DOP1A: variants seen among roughly 807,000 people sequenced by gnomAD.
The protein encoded by DOP1A is DOP1 leucine zipper like protein A.
DOP1A carries 90 observed loss-of-function variants against 267.6 expected under a neutral mutation model. The ratio of observed to expected loss-of-function variants is 0.34; its 90% confidence interval spans 0.28 to 0.40. The LOEUF (loss-of-function observed/expected upper bound fraction) is 0.40. DOP1A is among the 10% of genes least tolerant of loss of function. DOP1A has a pLI of 1.00. For synonymous variants in DOP1A, 932 were observed against 999.1 expected (o/e 0.93, Z 1.27); for missense variants, 2,437 against 2,900.4 (o/e 0.84, Z 3.67).
chr6:83,151,386 C>A (rs1401904632), intron 27 of DOP1A, among the ~76,000 whole-genome samples: 1 of 152,080 alleles, frequency 6.6e-6, no homozygotes, highest in Non-Finnish European at 1.5e-5. Context: ...GGGGCTCTTA[C>A]AAAAGATGCT....
Position 83,162,868 on chromosome 6 carries a change from A to G in DOP1A, c.7041A>G (p.Glu2347=), listed in dbSNP as rs760637737. Residue 2347 remains glutamate, a synonymous_variant, in exon 38 of 39, where the codon GAA becomes GAG. Transcript: ENST00000349129. ...EVRRQGIHQR[E]FKPYVVRLAK... is the part of the protein sequence containing the mutation. ...GAAGGCAGGGTATACATCAACGAGA[A>G]TTTAAACCTTACGTGGTACGACTAG... 1 of 1,613,506 alleles carries G rather than the reference A, an allele frequency of 6.2e-7. No individual in the cohort carries two copies. Among genetic ancestry groups the G allele is most frequent in the Non-Finnish European group, 8.5e-7 (1 of 1,179,638 alleles).
At chr6:83,168,734 T>C, downstream of DOP1A, 1 of 997,888 alleles carries the variant, frequency 1.0e-6, no homozygotes, top group South Asian at 4.4e-5. Flanking sequence ...ACCTCTGAGT[T>C]CCTGATGGCA....
chr6:83,137,348 G>A lies in DOP1A; in HGVS notation c.3306G>A (p.Gln1102=). 3 of 1,613,832 alleles carry A rather than the reference G, an allele frequency of 1.9e-6. No homozygotes were observed. The highest frequency in any genetic ancestry group is 1.1e-5 in the South Asian group (1 of 91,062). ...VVSDFDLPDQ[Q]IEILQSSDSG... is the part of the protein sequence containing the mutation. ...CTGATTTTGATCTTCCAGACCAACA[G>A]ATAGAAATACTTCAGAGTTCTGACT... Residue 1102 remains glutamine, a synonymous_variant, in exon 21 of 39, where the codon CAG becomes CAA. Coordinates refer to ENST00000349129, the MANE Select transcript of DOP1A (RefSeq NM_015018.4).
chr6:83,140,310 G>A lies in DOP1A; in HGVS notation c.5322G>A (p.Leu1774=). Residue 1774 remains leucine, a synonymous_variant, in exon 23 of 39, where the codon CTG becomes CTA. Transcript: ENST00000349129. Reference sequence around the variant, plus strand: ...ATATGATCATGTCCTCTGTGACACTGCTTTGGAGCATACTGCATCAAGCTG... The same window carrying A: ...ATATGATCATGTCCTCTGTGACACTACTTTGGAGCATACTGCATCAAGCTG... ...ILHMIMSSVT[L]LWSILHQADS... The A allele has an allele frequency of 6.2e-7, 1 of 1,613,564 alleles. No homozygotes were observed. The highest frequency in any genetic ancestry group is 1.3e-5 in the African/African-American group (1 of 75,052).
At chr6:83,132,387 A>T in intron 18 of DOP1A, 59 bp downstream of exon 18, 1 of 1,356,790 alleles carries the variant, frequency 7.4e-7, no homozygotes, top group Non-Finnish European at 9.6e-7. Flanking sequence ...ACACACACAA[A>T]TACTGAAAAG....
chr6:83,118,410 G>A lies in DOP1A; in HGVS notation c.781-478G>A, dbSNP rs191934384. ...TAAAGCTGGATGATTGGTAGAAAACGGTTTATTATTTTGTTTTCTGTATTT... is the reference window on the plus strand; with the variant it reads ...TAAAGCTGGATGATTGGTAGAAAACAGTTTATTATTTTGTTTTCTGTATTT... On this transcript the variant is annotated intron_variant, in intron 7 of 38. Transcript: ENST00000349129. Among the ~76,000 whole-genome samples, 7 of 151,894 alleles carry A rather than the reference G, an allele frequency of 4.6e-5. No individual in the cohort carries two copies. In the East Asian group the frequency reaches 7.7e-4, roughly 17 times the overall value.
At chr6:83,120,844 T>G (rs1019449124) in intron 10 of DOP1A, 53 bp downstream of exon 10, 4 of 1,300,934 alleles carry the variant, frequency 3.1e-6, no homozygotes, top group Non-Finnish European at 4.1e-6. Flanking sequence ...TTTGTGTTAA[T>G]AAGAAAATAA....
In DOP1A at chr6:83,158,470, A is replaced by G; in HGVS notation, c.6742-97A>G. 5 of 949,198 alleles carry G rather than the reference A, an allele frequency of 5.3e-6. No homozygotes were observed. In the South Asian group the frequency reaches 7.8e-5, roughly 15 times the overall value. 58.8% of individuals were successfully genotyped at this position (949,198 alleles called of 1,614,324 possible). On this transcript the variant is annotated intron_variant, in intron 35 of 38. Transcript: ENST00000349129. The stretch of plus-strand genomic sequence containing the variant: ...TAAAAGATTCTGAAAATGTATTCTA[A>G]AATTTGTTTTTGCGTTAATGAAAAT...
In DOP1A at chr6:83,137,502, T is replaced by C; in HGVS notation, c.3460T>C (p.Phe1154Leu). The C allele has an allele frequency of 6.2e-7, 1 of 1,613,824 alleles. No homozygotes were observed. Among genetic ancestry groups the C allele is most frequent in the Non-Finnish European group, 8.5e-7 (1 of 1,179,850 alleles). ...AGATGATGATGTTCAACAGGTAGTA[T>C]TTGACCTGATATGTAAAGTTGTAAG... The part of the protein sequence containing the change: ...SPDDDVQQVV[F>L]DLICKVVSGL... The change falls in exon 21 of 39, where the codon TTT (phenylalanine) becomes CTT (leucine). Residue 1154 changes from phenylalanine to leucine, a missense_variant. Phe to Leu is a conservative substitution (Grantham distance 22). Transcript: ENST00000349129.
intron 17 of DOP1A, among the ~76,000 whole-genome samples, chr6:83,131,674 G>A (rs1179515921): frequency 6.7e-6 from 1 of 149,388 alleles, no homozygotes; most frequent in African/African-American, 2.5e-5. Context: ...TTTTTTTTTC[G>A]AGATGGAGTC....
At chr6:83,069,816 T>C (rs995308769) in intron 1 of DOP1A, among the ~76,000 whole-genome samples, 1 of 152,160 alleles carries the variant, frequency 6.6e-6, no homozygotes, top group Non-Finnish European at 1.5e-5. Flanking sequence ...TTCCAACAAG[T>C]GAAGACTTGT....
intron 15 of DOP1A, among the ~76,000 whole-genome samples, chr6:83,127,402 A>AT (rs1377779297): frequency 6.6e-6 from 1 of 152,118 alleles, no homozygotes; most frequent in Non-Finnish European, 1.5e-5. Flanking sequence ...CTCAGCTATG[A>AT]TTTTGCAAAG....
At chr6:83,081,001 A>C (rs1767975562) in intron 1 of DOP1A, among the ~76,000 whole-genome samples, 1 of 152,232 alleles carries the variant, frequency 6.6e-6, no homozygotes, top group Non-Finnish European at 1.5e-5. Flanking sequence ...TGACTTCATA[A>C]TATACTACAA....
intron 7 of DOP1A, among the ~76,000 whole-genome samples, chr6:83,115,505 G>A (rs572066331): frequency 1.6e-4 from 25 of 152,184 alleles, no homozygotes; most frequent in African/African-American, 4.6e-4. Flanking sequence ...AGCGGATTAC[G>A]AGGTCAGGAG....
At chr6:83,068,411 C>A (rs1220102764) in intron 1 of DOP1A, among the ~76,000 whole-genome samples, 1 of 152,278 alleles carries the variant, frequency 6.6e-6, no homozygotes. Flanking sequence ...CTCCTCCATT[C>A]CTGTACCCTG....
intron 4 of DOP1A, among the ~76,000 whole-genome samples, chr6:83,102,307 G>A (rs761383217): frequency 1.3e-5 from 2 of 152,162 alleles, no homozygotes; most frequent in Admixed American, 1.3e-4. Context: ...ACAGTCTGTT[G>A]TTCAGAGTTA....
chr6:83,141,418 C>G (rs961785585), intron 23 of DOP1A, among the ~76,000 whole-genome samples: 4 of 152,042 alleles, frequency 2.6e-5, no homozygotes, highest in African/African-American at 4.8e-5. Flanking sequence ...CTTCAATAAC[C>G]TAATTTTGCT....
rs111340824 is a variant in DOP1A at position 83,158,483 on chromosome 6, C to T, written c.6742-84C>T. 207 of 1,061,902 alleles carry T rather than the reference C, an allele frequency of 1.9e-4. 1 individual carries two copies. The highest frequency in any genetic ancestry group is 2.2e-4 in the Non-Finnish European group (160 of 724,884). The allele number at this position is 1,061,902 out of a possible 1,614,324, so 65.8% of individuals were successfully genotyped here. ...AAATGTATTCTAAAATTTGTTTTTG[C>T]GTTAATGAAAATACAACTTAAAGAT... On this transcript the variant is annotated intron_variant, in intron 35 of 38. Transcript: ENST00000349129.
intron 20 of DOP1A, 111 bp downstream of exon 20, chr6:83,135,989 C>A: frequency 7.8e-7 from 1 of 1,275,200 alleles, no homozygotes; most frequent in Non-Finnish European, 1.1e-6. Flanking sequence ...TCTCCATGGG[C>A]TTATTTTCTC....
Sources: allele counts gnomAD v4.1 joint callset (sites outside exome capture counted in the v4.1 genomes callset), GRCh38; gene constraint gnomAD v4.1.1; transcripts MANE v1.5; gene names NCBI Gene and HGNC (gene_info 2026-07-23, HGNC 2026-07-21).